The following KCNH7 variants were observed in gnomAD, a reference collection of about 807,000 sequenced individuals.
KCNH7 encodes potassium voltage-gated channel subfamily H member 7, also known as voltage-gated inwardly rectifying potassium channel KCNH7.
In KCNH7, 49 loss-of-function variants were observed where a neutral mutation model predicts 120.8. That is an observed-to-expected ratio of 0.41 (90% CI 0.32 to 0.51). The LOEUF is 0.51. Among genes scored for constraint, KCNH7 ranks in the 20% least tolerant of loss-of-function variants. The pLI is 0.38. For missense variants in KCNH7, 1,097 were observed against 1,446.6 expected (o/e 0.76, Z 3.92); for synonymous variants, 547 against 516.1 (o/e 1.06, Z -0.81).
At chr2:162,380,649 C>A (rs1167730283) in intron 13 of KCNH7, among the ~76,000 whole-genome samples, 1 of 152,076 alleles carries the variant, frequency 6.6e-6, no homozygotes, top group African/African-American at 2.4e-5. Context: ...TGCCCTTTAC[C>A]ATAATTATAT....
At position 162,724,893 on chromosome 2, in the gene KCNH7, C is replaced by T. The variant is rs558059551; in HGVS notation, c.307+111644G>A. 1.4e-4 allele frequency among the ~76,000 whole-genome samples: 22 copies of T among 152,286 alleles called. No individual in the cohort carries two copies. In the South Asian group the frequency reaches 2.7e-3, roughly 19 times the overall value. On this transcript the variant is annotated intron_variant, in intron 2 of 15. Coordinates refer to ENST00000332142, the MANE Select transcript of KCNH7 (RefSeq NM_033272.4). The stretch of plus-strand genomic sequence containing the variant: ...CTTACTGCATCAAAGGAAAAGGTTA[C>T]TTCCTTAAATCCTATGCAGTATCCC...
intron 2 of KCNH7, among the ~76,000 whole-genome samples, chr2:162,658,278 C>A (rs1684842320): frequency 6.6e-6 from 1 of 151,842 alleles, no homozygotes; most frequent in Non-Finnish European, 1.5e-5. Flanking sequence ...TGTTTTTGCT[C>A]CTTTGTTAAA....
At chr2:162,604,745 A>G (rs898330573) in intron 2 of KCNH7, among the ~76,000 whole-genome samples, 2 of 151,856 alleles carry the variant, frequency 1.3e-5, no homozygotes, top group African/African-American at 2.4e-5. Context: ...TTTGATTTAA[A>G]TTTTTCTAAA....
chr2:162,792,194 T>C (rs1292990425), intron 2 of KCNH7, among the ~76,000 whole-genome samples: 2 of 152,180 alleles, frequency 1.3e-5, no homozygotes, highest in Non-Finnish European at 2.9e-5. Flanking sequence ...GCCAGTATTT[T>C]GTTGAGGATT....
At chr2:162,763,394 G>GT in intron 2 of KCNH7, among the ~76,000 whole-genome samples, 1 of 152,180 alleles carries the variant, frequency 6.6e-6, no homozygotes, top group South Asian at 2.1e-4. Context: ...GATATAGTTT[G>GT]TTAATTGCAA....
intron 6 of KCNH7, among the ~76,000 whole-genome samples, chr2:162,502,502 C>T (rs936456925): frequency 2.0e-4 from 31 of 151,976 alleles, no homozygotes; most frequent in African/African-American, 7.2e-4. Flanking sequence ...GCATTCATGG[C>T]CTACAATAAA....
chr2:162,601,650 A>G (rs1210573030), intron 2 of KCNH7, among the ~76,000 whole-genome samples: 1 of 151,874 alleles, frequency 6.6e-6, no homozygotes, highest in East Asian at 1.9e-4. Flanking sequence ...TGTGTACTAA[A>G]CGATGTACTC....
At chr2:162,824,634 T>G (rs1343448067) in intron 2 of KCNH7, among the ~76,000 whole-genome samples, 1 of 152,086 alleles carries the variant, frequency 6.6e-6, no homozygotes, top group Non-Finnish European at 1.5e-5. Context: ...TATATTGGAA[T>G]AAATTTAGCA....
chr2:162,679,668 T>G (rs1685647491), intron 2 of KCNH7, among the ~76,000 whole-genome samples: 2 of 151,700 alleles, frequency 1.3e-5, no homozygotes, highest in Admixed American at 6.6e-5. Context: ...TCTTATCCAT[T>G]CATTAACCTG....
At chr2:162,736,775 A>G (rs13005027) in intron 2 of KCNH7, among the ~76,000 whole-genome samples, 46,560 of 152,026 alleles carry the variant, frequency 0.31, 11,301 homozygotes, top group African/African-American at 0.66. Flanking sequence ...AGGCAATGGA[A>G]CTTTCTAAAG....
intron 2 of KCNH7, among the ~76,000 whole-genome samples, chr2:162,634,988 A>G (rs916499127): frequency 6.6e-6 from 1 of 152,104 alleles, no homozygotes; most frequent in Non-Finnish European, 1.5e-5. Context: ...TTAATTTTAC[A>G]TTTTACTTAA....
At chr2:162,406,866 T>A (rs902053943) in intron 9 of KCNH7, among the ~76,000 whole-genome samples, 3 of 152,034 alleles carry the variant, frequency 2.0e-5, no homozygotes, top group Non-Finnish European at 4.4e-5. Context: ...ATTTTATTCC[T>A]GTGGGTTAGC....
rs1410416765 is a variant in KCNH7 at position 162,518,061 on chromosome 2, T to G, written c.561A>C (p.Ser187=). 3 of 1,612,506 alleles carry G rather than the reference T, an allele frequency of 1.9e-6. No homozygotes were observed. Among genetic ancestry groups the G allele is most frequent in the Admixed American group, 1.7e-5 (1 of 59,932 alleles). ...QEDPDVVVID[S]SKHSDDSVAM... Reference sequence around the variant, plus strand: ...CTACTGAATCATCACTGTGTTTAGATGAATCGATGACCACCACATCGGGGT... The same window carrying G: ...CTACTGAATCATCACTGTGTTTAGAGGAATCGATGACCACCACATCGGGGT... The change falls in exon 4 of 16, where the codon TCA becomes TCC. Residue 187 remains serine, a synonymous_variant. Coordinates refer to ENST00000332142, the MANE Select transcript of KCNH7 (RefSeq NM_033272.4).
chr2:162,715,753 T>G lies in KCNH7; in HGVS notation c.307+120784A>C, dbSNP rs990632446. ...GAATTAGATAAAGGGTACATATATG[T>G]CTCTGTCTGATTTCTTAAAGCTGCA... On this transcript the variant is annotated intron_variant, in intron 2 of 15. Coordinates refer to ENST00000332142, the MANE Select transcript of KCNH7 (RefSeq NM_033272.4). Among the ~76,000 whole-genome samples, 22 of 152,180 alleles carry G rather than the reference T, an allele frequency of 1.4e-4. 1 individual carries two copies. Among genetic ancestry groups the G allele is most frequent in the Non-Finnish European group, 2.6e-4 (18 of 68,030 alleles).
At chr2:162,527,038 G>A (rs534241141) in intron 3 of KCNH7, among the ~76,000 whole-genome samples, 32 of 151,980 alleles carry the variant, frequency 2.1e-4, no homozygotes, top group African/African-American at 7.0e-4. Context: ...CCCTCCGTTC[G>A]GGGTCCCTGA....
intron 9 of KCNH7, among the ~76,000 whole-genome samples, chr2:162,411,671 T>C (rs1687395218): frequency 6.6e-6 from 1 of 152,016 alleles, no homozygotes; most frequent in Admixed American, 6.6e-5. Flanking sequence ...ATTCATTTCA[T>C]GAGTGCAAGG....
intron 6 of KCNH7, among the ~76,000 whole-genome samples, chr2:162,498,680 G>T (rs1392277999): frequency 1.3e-5 from 2 of 151,970 alleles, no homozygotes; most frequent in African/African-American, 4.8e-5. Context: ...TGATCACATG[G>T]CCCAAGATGG....
intron 10 of KCNH7, 75 bp from the exon 11 acceptor site, chr2:162,397,020 G>T: frequency 1.0e-6 from 1 of 989,628 alleles, no homozygotes. Flanking sequence ...AGTAGAAGGG[G>T]GTCATTAAAC....
intron 6 of KCNH7, among the ~76,000 whole-genome samples, chr2:162,498,943 T>G (rs1441331794): frequency 6.6e-6 from 1 of 152,100 alleles, no homozygotes; most frequent in Admixed American, 6.6e-5. Context: ...ACTTCCCCTC[T>G]TCCTTTCATT....
Sources: allele counts gnomAD v4.1 joint callset (sites outside exome capture counted in the v4.1 genomes callset), GRCh38; gene constraint gnomAD v4.1.1; transcripts MANE v1.5; gene names NCBI Gene and HGNC (gene_info 2026-07-23, HGNC 2026-07-21).